Variants in C8orf34 observed in about 807,000 individuals in gnomAD.
C8orf34 encodes the protein uncharacterized protein C8orf34.
In C8orf34, 65 loss-of-function variants were observed where a neutral mutation model predicts 68.3. That is an observed-to-expected ratio of 0.95 (90% confidence interval 0.78 to 1.17). The LOEUF (loss-of-function observed/expected upper bound fraction) is 1.17. C8orf34 is among the 50% of genes most tolerant of loss of function. The pLI is 0.00. For missense variants in C8orf34, 664 were observed against 655.4 expected, an observed-to-expected ratio of 1.01 and a Z score of -0.14; for synonymous variants, 244 against 241.2, an observed-to-expected ratio of 1.01 and a Z score of -0.11.
chr8:68,471,968 CAAAT>C (rs1812398344), intron 4 of C8orf34, among the ~76,000 whole-genome samples: 1 of 144,430 alleles, frequency 6.9e-6, no homozygotes, highest in African/African-American at 2.7e-5. Context: ...ACACACAACT[CAAAT>C]AATACCAGGA....
chr8:68,784,271 T>C (rs1259716374), intron 11 of C8orf34, among the ~76,000 whole-genome samples: 1 of 152,204 alleles, frequency 6.6e-6, no homozygotes, highest in Non-Finnish European at 1.5e-5. Context: ...TTGATATTTA[T>C]GTGATATTTT....
At chr8:68,396,355 T>A (rs1222914547) in intron 1 of C8orf34, among the ~76,000 whole-genome samples, 1 of 152,056 alleles carries the variant, frequency 6.6e-6, no homozygotes, top group African/African-American at 2.4e-5. Context: ...AAGCCCATCT[T>A]GTACCATATG....
intron 7 of C8orf34, among the ~76,000 whole-genome samples, chr8:68,598,634 G>T (rs993670938): frequency 6.6e-6 from 1 of 152,084 alleles, no homozygotes; most frequent in African/African-American, 2.4e-5. Flanking sequence ...AAGACCGTTC[G>T]TTGAATAGAT....
chr8:68,530,529 T>C, intron 6 of C8orf34: 1 of 733,740 alleles, frequency 1.4e-6, no homozygotes, highest in Non-Finnish European at 1.9e-6. Context: ...TGATTGGTTT[T>C]GTTTACTTCT....
chr8:68,588,414 A>ATT (rs1586414413), intron 7 of C8orf34, among the ~76,000 whole-genome samples: 1 of 152,160 alleles, frequency 6.6e-6, no homozygotes, highest in East Asian at 1.9e-4. Flanking sequence ...AAATATTAAC[A>ATT]TTTTCAACAC....
At chr8:68,373,417 A>G (rs1287948832) in intron 1 of C8orf34, among the ~76,000 whole-genome samples, 1 of 152,214 alleles carries the variant, frequency 6.6e-6, no homozygotes, top group Non-Finnish European at 1.5e-5. Context: ...TTCTCTCCAA[A>G]GCATTTTCCT....
At chr8:68,753,774 T>G (rs2129527724) in intron 10 of C8orf34, among the ~76,000 whole-genome samples, 1 of 152,280 alleles carries the variant, frequency 6.6e-6, no homozygotes, top group African/African-American at 2.4e-5. Context: ...AGGAATGTGG[T>G]TTCAAACATG....
intron 7 of C8orf34, among the ~76,000 whole-genome samples, chr8:68,618,269 T>C (rs1818286615): frequency 6.6e-6 from 1 of 152,146 alleles, no homozygotes; most frequent in Non-Finnish European, 1.5e-5. Context: ...CATTAGTTTA[T>C]TCTTTAGATA....
At chr8:68,698,918 G>A (rs1367020544) in intron 8 of C8orf34, among the ~76,000 whole-genome samples, 1 of 151,886 alleles carries the variant, frequency 6.6e-6, no homozygotes, top group Admixed American at 6.6e-5. Flanking sequence ...TGAAATTCTG[G>A]GCATGTTGCA....
At chr8:68,340,969 A>G (rs187792832) in intron 1 of C8orf34, among the ~76,000 whole-genome samples, 20 of 152,394 alleles carry the variant, frequency 1.3e-4, no homozygotes, top group Admixed American at 1.1e-3. Context: ...TGACCAAGTC[A>G]GGTTTCTTAC....
At chr8:68,665,045 C>T (rs530069107) in intron 8 of C8orf34, among the ~76,000 whole-genome samples, 77 of 152,218 alleles carry the variant, frequency 5.1e-4, no homozygotes, top group African/African-American at 1.2e-3. Flanking sequence ...ATGTTGCAAA[C>T]GCTAATTCTC....
At chr8:68,655,772 A>G (rs919403767) in intron 8 of C8orf34, among the ~76,000 whole-genome samples, 2 of 152,138 alleles carry the variant, frequency 1.3e-5, no homozygotes, top group African/African-American at 4.8e-5. Flanking sequence ...TGTTTAGGGG[A>G]TGGGGGAAAC....
chr8:68,509,556 C>T (rs958484350), intron 5 of C8orf34, among the ~76,000 whole-genome samples: 6 of 151,708 alleles, frequency 4.0e-5, no homozygotes, highest in African/African-American at 1.5e-4. Flanking sequence ...TGTGTGTTCT[C>T]ATAGTACAGA....
At chr8:68,490,628 A>G (rs534733210) in intron 5 of C8orf34, among the ~76,000 whole-genome samples, 1 of 151,764 alleles carries the variant, frequency 6.6e-6, no homozygotes, top group Non-Finnish European at 1.5e-5. Context: ...TTTATTGCAC[A>G]TTTATTATTT....
chr8:68,501,843 T>G, intron 5 of C8orf34, among the ~76,000 whole-genome samples: 1 of 152,178 alleles, frequency 6.6e-6, no homozygotes, highest in Non-Finnish European at 1.5e-5. Flanking sequence ...TGTATGCCCA[T>G]AGCCAGAGCT....
chr8:68,560,382 G>C (rs1816386084), intron 7 of C8orf34, among the ~76,000 whole-genome samples: 1 of 152,082 alleles, frequency 6.6e-6, no homozygotes, highest in African/African-American at 2.4e-5. Flanking sequence ...CCATTGTCTT[G>C]TGCTGTTTCG....
At position 68,341,246 on chromosome 8, in the gene C8orf34, G is replaced by A. The variant is rs148720539; in HGVS notation, c.327+9907G>A. Among the ~76,000 whole-genome samples the A allele has an allele frequency of 2.7e-3, 411 of 152,284 alleles. 3 individuals carry two copies. Among genetic ancestry groups the A allele is most frequent in the African/African-American group, 9.4e-3 (391 of 41,540 alleles). On this transcript the variant is annotated intron_variant, in intron 1 of 13. Coordinates refer to ENST00000518698, the MANE Select transcript of C8orf34 (RefSeq NM_052958.4). ...GGAGCTCTCTTGGGACTCTTCTAAG[G>A]ATGCCAATCCCGTTCATGAGGGTTG...
At chr8:68,492,219 T>C (rs1163312111) in intron 5 of C8orf34, among the ~76,000 whole-genome samples, 1 of 152,088 alleles carries the variant, frequency 6.6e-6, no homozygotes, top group Non-Finnish European at 1.5e-5. Context: ...TTTTTAGCCA[T>C]TTTTCTTTTA....
intron 3 of C8orf34, among the ~76,000 whole-genome samples, chr8:68,451,728 C>A (rs920322505): frequency 2.0e-5 from 3 of 151,840 alleles, no homozygotes; most frequent in Non-Finnish European, 4.4e-5. Context: ...CACTGGTCAC[C>A]ATCACAGATA....
Sources: gnomAD v4.1 joint callset for allele counts (sites outside exome capture counted in the v4.1 genomes callset) on GRCh38, gnomAD v4.1.1 for gene constraint, MANE v1.5 for transcripts, NCBI Gene and HGNC (gene_info 2026-07-23, HGNC 2026-07-21) for gene names.